Variants in CCDC7 observed in about 807,000 individuals in gnomAD.
The protein encoded by CCDC7 is coiled-coil domain containing 7.
A neutral mutation model predicts 196.9 loss-of-function variants in CCDC7; 183 were observed. That is an observed-to-expected ratio of 0.93 (90% CI 0.82 to 1.05). The LOEUF (loss-of-function observed/expected upper bound fraction) is 1.05, where lower values mean the gene tolerates loss of function less well. CCDC7 is among the 50% of genes least tolerant of loss of function. CCDC7 has a pLI of 0.00. For missense variants in CCDC7, 1,540 were observed against 1,482.2 expected, an observed-to-expected ratio of 1.04 and a Z score of -0.64; for synonymous variants, 525 against 484.6, an observed-to-expected ratio of 1.08 and a Z score of -1.10.
intron 32 of CCDC7, among the ~76,000 whole-genome samples, chr10:32,830,143 C>CATATA (rs2091996967): frequency 7.2e-4 from 16 of 22,334 alleles, no homozygotes; most frequent in South Asian, 2.0e-3. Context: ...TATATATATC[C>CATATA]TATTAGTTCT....
chr10:32,717,626 C>T (rs531860967), intron 25 of CCDC7, among the ~76,000 whole-genome samples: 1 of 151,602 alleles, frequency 6.6e-6, no homozygotes, highest in East Asian at 1.9e-4. Flanking sequence ...AGATAGACCA[C>T]GAGCCAGACT....
chr10:32,526,852 G>A (rs1365706370), intron 11 of CCDC7, among the ~76,000 whole-genome samples: 2 of 152,148 alleles, frequency 1.3e-5, no homozygotes, highest in African/African-American at 4.8e-5. Context: ...TCGTTGCTGA[G>A]CTGCATTGCC....
chr10:32,701,930 C>T (rs1050569924), intron 24 of CCDC7, among the ~76,000 whole-genome samples: 1 of 152,016 alleles, frequency 6.6e-6, no homozygotes, highest in African/African-American at 2.4e-5. Context: ...TAGTCTTGCT[C>T]TAGCGGTCTG....
intron 28 of CCDC7, 84 bp from the exon 30 acceptor site, chr10:32,778,893 C>A: frequency 1.1e-6 from 1 of 937,482 alleles, no homozygotes; most frequent in Non-Finnish European, 1.6e-6. Flanking sequence ...GATCTTTCAC[C>A]TTCTTGGTTA....
At chr10:32,707,251 T>C (rs1264833116) in intron 24 of CCDC7, among the ~76,000 whole-genome samples, 1 of 152,070 alleles carries the variant, frequency 6.6e-6, no homozygotes, top group Admixed American at 6.6e-5. Context: ...GCAGAAAAGG[T>C]CTTTGAGAAA....
intron 9 of CCDC7, among the ~76,000 whole-genome samples, chr10:32,514,851 G>T (rs187235361): frequency 7.9e-5 from 12 of 152,192 alleles, no homozygotes; most frequent in Admixed American, 7.9e-4. Flanking sequence ...AAGAAACAGG[G>T]TCTCACTCTG....
intron 21 of CCDC7, 33 bp downstream of exon 22, chr10:32,664,194 A>T (rs1426007070): frequency 2.5e-6 from 1 of 392,754 alleles, no homozygotes. Context: ...ACCTTAAAAT[A>T]ATTTAAGATT....
chr10:32,838,206 C>G lies in CCDC7; in HGVS notation c.3352+3308C>G, dbSNP rs565803067. 2.6e-5 allele frequency among the ~76,000 whole-genome samples: 4 copies of G among 152,162 alleles called. No homozygotes were observed. The South Asian group carries it at 6.2e-4, about 24-fold the overall frequency. ...CAGATTGCCAGAACAAAATACTGCA[C>G]TGGGTGCCTTAAACATCAGAAATTT... On this transcript the variant is annotated intron_variant, in intron 33 of 41. Coordinates refer to ENST00000639629, the Ensembl canonical transcript of CCDC7.
At chr10:32,818,968 C>T (rs957244078) in intron 31 of CCDC7, among the ~76,000 whole-genome samples, 1 of 152,030 alleles carries the variant, frequency 6.6e-6, no homozygotes, top group Non-Finnish European at 1.5e-5. Context: ...AAGATCAGAG[C>T]AGAACTGAAG....
At chr10:32,815,293 A>C (rs961659644) in intron 31 of CCDC7, among the ~76,000 whole-genome samples, 1 of 152,208 alleles carries the variant, frequency 6.6e-6, no homozygotes, top group African/African-American at 2.4e-5. Context: ...ATGATTACAA[A>C]GTAGTCTAAT....
In CCDC7 at chr10:32,544,616, C is replaced by T. The variant is rs552995395; in HGVS notation, c.1134+315C>T. 2.0e-5 allele frequency among the ~76,000 whole-genome samples: 3 copies of T among 152,234 alleles called. No homozygotes were observed. The East Asian group carries it at 5.8e-4, about 29-fold the overall frequency. On this transcript the variant is annotated intron_variant, in intron 13 of 41. Coordinates refer to ENST00000639629, the Ensembl canonical transcript of CCDC7. ...AGCATCATATCAGGAGTCAGAACAG[C>T]AACTTACTGATTATATGACTTTGGA...
intron 23 of CCDC7, among the ~76,000 whole-genome samples, chr10:32,689,681 T>A (rs2076853664): frequency 6.6e-6 from 1 of 151,996 alleles, no homozygotes; most frequent in Non-Finnish European, 1.5e-5. Context: ...TCATCAAGGA[T>A]CCCACATAGG....
intron 24 of CCDC7, among the ~76,000 whole-genome samples, chr10:32,698,834 A>T (rs2141435999): frequency 6.6e-6 from 1 of 152,246 alleles, no homozygotes; most frequent in South Asian, 2.1e-4. Context: ...CCAACATTCA[A>T]ATTCAGGAAA....
intron 21 of CCDC7, among the ~76,000 whole-genome samples, chr10:32,679,281 A>G (rs77006028): frequency 2.0e-5 from 3 of 152,290 alleles, no homozygotes; most frequent in East Asian, 3.9e-4. Flanking sequence ...CAAAAGCCCA[A>G]TAGATTCCTC....
Position 32,576,282 on chromosome 10 carries a change from G to A in CCDC7, c.1454+4389G>A, listed in dbSNP as rs554963529. ...AATATGTTGTGTGTTCCCATGCACTGAGGTCAAAGCAAAGGGGGTTAAAAA... is the reference window on the plus strand; with the variant it reads ...AATATGTTGTGTGTTCCCATGCACTAAGGTCAAAGCAAAGGGGGTTAAAAA... On this transcript the variant is annotated intron_variant, in intron 16 of 41. Coordinates refer to ENST00000639629, the Ensembl canonical transcript of CCDC7. Among the ~76,000 whole-genome samples, 10 of 141,654 alleles carry A rather than the reference G, an allele frequency of 7.1e-5. No homozygotes were observed. In the South Asian group the frequency reaches 2.4e-3, roughly 35 times the overall value. The allele number at this position is 141,654 out of a possible 152,430, so 92.9% of individuals were successfully genotyped here.
intron 20 of CCDC7, among the ~76,000 whole-genome samples, 151 bp downstream of exon 21, chr10:32,635,309 A>T (rs1035037628): frequency 6.6e-6 from 1 of 152,118 alleles, no homozygotes; most frequent in South Asian, 2.1e-4. Flanking sequence ...ACTGAATTAG[A>T]TGTGTTAATT....
chr10:32,748,142 A>G (rs1252859869), intron 28 of CCDC7, among the ~76,000 whole-genome samples: 4 of 152,190 alleles, frequency 2.6e-5, no homozygotes, highest in Non-Finnish European at 4.4e-5. Context: ...GTTCTCACTT[A>G]TAAGTGGGAG....
intron 16 of CCDC7, among the ~76,000 whole-genome samples, chr10:32,577,017 AGTT>A (rs1382229839): frequency 6.6e-6 from 1 of 152,136 alleles, no homozygotes; most frequent in Non-Finnish European, 1.5e-5. Context: ...CTTGTGACTA[AGTT>A]GTTGTAACTA....
chr10:32,495,923 T>C (rs1366320136), intron 9 of CCDC7, among the ~76,000 whole-genome samples: 2 of 152,240 alleles, frequency 1.3e-5, no homozygotes, highest in African/African-American at 4.8e-5. Context: ...TTTCTAATTC[T>C]GTGAAGAAAG....
Sources: gnomAD v4.1 joint callset for allele counts (sites outside exome capture counted in the v4.1 genomes callset) on GRCh38, gnomAD v4.1.1 for gene constraint, MANE v1.5 for transcripts, NCBI Gene and HGNC (gene_info 2026-07-23, HGNC 2026-07-21) for gene names.